CADM2: variants seen among roughly 807,000 people sequenced by gnomAD.
CADM2 encodes the protein cell adhesion molecule 2, also known as immunoglobulin superfamily member 4D.
A neutral mutation model predicts 49.8 loss-of-function variants in CADM2; 12 were observed. The observed-to-expected ratio is 0.24, with a 90% CI of 0.15 to 0.39. The LOEUF (loss-of-function observed/expected upper bound fraction) is 0.39. CADM2 is among the 10% of genes least tolerant of loss of function. CADM2 has a pLI of 1.00. For missense variants in CADM2, 378 were observed against 492.3 expected (o/e 0.77, Z 2.20); for synonymous variants, 214 against 175.4 (o/e 1.22, Z -1.74).
At chr3:85,093,553 TG>T (rs1443398617) in intron 1 of CADM2, among the ~76,000 whole-genome samples, 1 of 152,162 alleles carries the variant, frequency 6.6e-6, no homozygotes, top group African/African-American at 2.4e-5. Flanking sequence ...AATTTTATGA[TG>T]ATTTCATTAT....
chr3:85,196,112 T>C (rs2041337926), intron 1 of CADM2, among the ~76,000 whole-genome samples: 1 of 152,014 alleles, frequency 6.6e-6, no homozygotes, highest in Non-Finnish European at 1.5e-5. Context: ...TGATTTTCAA[T>C]TGTTGAATAT....
chr3:85,381,402 A>T (rs888679746), intron 1 of CADM2, among the ~76,000 whole-genome samples: 18 of 149,050 alleles, frequency 1.2e-4, no homozygotes, highest in African/African-American at 4.4e-4. Flanking sequence ...AAGCCAATAA[A>T]TTTGAATTAT....
chr3:85,398,725 G>A (rs1233874111), intron 1 of CADM2, among the ~76,000 whole-genome samples: 2 of 152,172 alleles, frequency 1.3e-5, no homozygotes, highest in African/African-American at 2.4e-5. Context: ...GCATCTAATT[G>A]TGGTTTTGAT....
chr3:85,126,889 G>A lies in CADM2; in HGVS notation c.61+167221G>A, dbSNP rs554101139. Among the ~76,000 whole-genome samples the A allele has an allele frequency of 3.8e-4, 58 of 152,184 alleles. 1 individual carries two copies. The highest frequency in any genetic ancestry group is 1.4e-3 in the African/African-American group (57 of 41,560). On this transcript the variant is annotated intron_variant, in intron 1 of 9. Transcript: ENST00000383699. ...CTAATTTCTTTTTTCTAGGATAAAG[G>A]AAAAGTACCTGGATCAAGAGTTTAA...
In CADM2 at chr3:85,423,766, T is replaced by C. The variant is rs185724644; in HGVS notation, c.62-302756T>C. On this transcript the variant is annotated intron_variant, in intron 1 of 9. Transcript: ENST00000383699. ...GTCTCATTGCTATGCATTCTCTCAG[T>C]CTTAGTTTTATTTCCTGCATTTTGG... Among the ~76,000 whole-genome samples, 22 of 152,316 alleles carry C rather than the reference T, an allele frequency of 1.4e-4. No individual in the cohort carries two copies. In the East Asian group the frequency reaches 4.2e-3, roughly 29 times the overall value.
rs535801454 is a variant in CADM2, at chr3:85,776,878, T to A, written c.89-25169T>A. On this transcript the variant is annotated intron_variant, in intron 2 of 9. Coordinates refer to ENST00000383699, the MANE Select transcript of CADM2 (RefSeq NM_001167675.2). ...TGAATCCCAGTTACCTCTAGGTATATGGTATTTGCAAAACAGAATAGATGT... is the reference window on the plus strand; with the variant it reads ...TGAATCCCAGTTACCTCTAGGTATAAGGTATTTGCAAAACAGAATAGATGT... Among the ~76,000 whole-genome samples, 43 of 152,218 alleles carry A rather than the reference T, an allele frequency of 2.8e-4. 1 individual carries two copies. In the East Asian group the frequency reaches 8.3e-3, roughly 29 times the overall value.
intron 7 of CADM2, among the ~76,000 whole-genome samples, chr3:85,949,226 G>A (rs1316893550): frequency 1.3e-5 from 2 of 151,218 alleles, no homozygotes; most frequent in Admixed American, 6.6e-5. Flanking sequence ...TAATAGAAAA[G>A]GAAAATGTAG....
intron 1 of CADM2, among the ~76,000 whole-genome samples, chr3:85,412,035 C>A (rs898287146): frequency 1.3e-5 from 2 of 152,068 alleles, no homozygotes; most frequent in African/African-American, 2.4e-5. Context: ...GCCATGTTGG[C>A]CAGACTGGTC....
At chr3:85,746,479 T>C (rs1221387328) in intron 2 of CADM2, among the ~76,000 whole-genome samples, 1 of 152,164 alleles carries the variant, frequency 6.6e-6, no homozygotes, top group Admixed American at 6.6e-5. Context: ...ATAACTGCAT[T>C]TTTCTAAATT....
At chr3:85,546,940 G>T (rs1412582278) in intron 1 of CADM2, among the ~76,000 whole-genome samples, 1 of 152,038 alleles carries the variant, frequency 6.6e-6, no homozygotes, top group African/African-American at 2.4e-5. Flanking sequence ...TATATTTGAA[G>T]TTGTCTACAG....
chr3:85,313,770 T>G (rs1342134356), intron 1 of CADM2, among the ~76,000 whole-genome samples: 1 of 152,246 alleles, frequency 6.6e-6, no homozygotes, highest in Admixed American at 6.5e-5. Flanking sequence ...AGTTATAGAA[T>G]GATATATTTC....
intron 1 of CADM2, among the ~76,000 whole-genome samples, chr3:85,483,826 GTCT>G (rs1235206231): frequency 6.6e-6 from 1 of 151,062 alleles, no homozygotes; most frequent in Non-Finnish European, 1.5e-5. Flanking sequence ...ACTTTTAAAG[GTCT>G]TCTTGAATTA....
chr3:84,991,563 C>T (rs1037178308), intron 1 of CADM2, among the ~76,000 whole-genome samples: 1 of 152,182 alleles, frequency 6.6e-6, no homozygotes, highest in African/African-American at 2.4e-5. Context: ...ACACTGACAA[C>T]ACCAAATGCT....
At chr3:86,051,515 T>C (rs1159425877) in intron 8 of CADM2, among the ~76,000 whole-genome samples, 3 of 152,186 alleles carry the variant, frequency 2.0e-5, no homozygotes, top group Non-Finnish European at 4.4e-5. Flanking sequence ...TATAGAAATG[T>C]CCTACTCCTT....
chr3:85,076,110 G>A (rs766118229), intron 1 of CADM2, among the ~76,000 whole-genome samples: 21 of 148,898 alleles, frequency 1.4e-4, no homozygotes, highest in Admixed American at 4.0e-4. Flanking sequence ...CTTTTTTGAT[G>A]TTCTCCATGC....
intron 1 of CADM2, among the ~76,000 whole-genome samples, chr3:85,249,359 A>T (rs1358804678): frequency 6.6e-6 from 1 of 152,018 alleles, no homozygotes; most frequent in East Asian, 1.9e-4. Flanking sequence ...TCCCAACCAG[A>T]CTATTCTTTT....
chr3:85,075,956 T>C (rs2036925072), intron 1 of CADM2, among the ~76,000 whole-genome samples: 1 of 152,004 alleles, frequency 6.6e-6, no homozygotes, highest in Non-Finnish European at 1.5e-5. Flanking sequence ...ATTACCATGA[T>C]AATAGTGACA....
In CADM2 at chr3:85,678,711, A is replaced by G. The variant is rs1165811755; in HGVS notation, c.62-47811A>G. On this transcript the variant is annotated intron_variant, in intron 1 of 9. Coordinates refer to ENST00000383699, the MANE Select transcript of CADM2 (RefSeq NM_001167675.2). ...TGAAATGGCAACGTAATATTGGCAA[A>G]CACAAATTAACATTTGGTTGTATGA... Among the ~76,000 whole-genome samples, 6 of 152,232 alleles carry G rather than the reference A, an allele frequency of 3.9e-5. No homozygotes were observed. In the East Asian group the frequency reaches 1.2e-3, roughly 29 times the overall value.
chr3:85,439,195 C>A (rs1310328372), intron 1 of CADM2, among the ~76,000 whole-genome samples: 3 of 149,342 alleles, frequency 2.0e-5, no homozygotes, highest in Admixed American at 1.3e-4. Context: ...CTCTTGTTGC[C>A]CAAGCTGGAG....
Sources: allele counts gnomAD v4.1 joint callset (sites outside exome capture counted in the v4.1 genomes callset), GRCh38; gene constraint gnomAD v4.1.1; transcripts MANE v1.5; gene names NCBI Gene and HGNC (gene_info 2026-07-23, HGNC 2026-07-21).